The following SLC8A1 variants were observed in gnomAD, a reference collection of about 807,000 sequenced individuals.
SLC8A1 encodes sodium/calcium exchanger 1.
Under a neutral mutation model 68.3 loss-of-function variants are expected in SLC8A1, and 18 were observed. The ratio of observed to expected loss-of-function variants is 0.26; its 90% CI spans 0.18 to 0.39. SLC8A1 has a LOEUF of 0.39. SLC8A1 is among the 10% of genes least tolerant of loss of function. The pLI is 1.00. For missense variants in SLC8A1, 985 were observed against 1,156.7 expected, an observed-to-expected ratio of 0.85 and a Z score of 2.15; for synonymous variants, 475 against 415.5, an observed-to-expected ratio of 1.14 and a Z score of -1.74.
intron 1 of SLC8A1, among the ~76,000 whole-genome samples, chr2:40,432,663 C>T (rs559996383): frequency 6.6e-6 from 1 of 151,882 alleles, no homozygotes; most frequent in South Asian, 2.1e-4. Context: ...GGGGGCAGGG[C>T]TCAGGAGTGG....
rs376203589 is a variant in SLC8A1, at chr2:40,266,572, G to A, written c.1809-88717C>T. Among the ~76,000 whole-genome samples, 11 of 152,256 alleles carry A rather than the reference G, an allele frequency of 7.2e-5. No individual in the cohort carries two copies. In the East Asian group the frequency reaches 1.9e-3, roughly 27 times the overall value. On this transcript the variant is annotated intron_variant, in intron 2 of 7. Coordinates refer to ENST00000406785, the Ensembl canonical transcript of SLC8A1. ...TGGAGAATGATGCGTAATGATGCCTGCTGTTTTCTCTCCTATCATTTTCTA... is the reference window on the plus strand; with the variant it reads ...TGGAGAATGATGCGTAATGATGCCTACTGTTTTCTCTCCTATCATTTTCTA...
At chr2:40,458,642 T>A (rs182633253) in intron 1 of SLC8A1, among the ~76,000 whole-genome samples, 1 of 152,258 alleles carries the variant, frequency 6.6e-6, no homozygotes, top group Admixed American at 6.5e-5. Context: ...ACAGACAGAT[T>A]GTCTGTGACA....
chr2:40,471,953 T>C (rs772544778), intron 1 of SLC8A1, among the ~76,000 whole-genome samples: 7 of 152,178 alleles, frequency 4.6e-5, no homozygotes, highest in Non-Finnish European at 8.8e-5. Flanking sequence ...AGGCAGGGCA[T>C]CAATCACATT....
chr2:40,338,243 G>T (rs1030479506), intron 2 of SLC8A1, among the ~76,000 whole-genome samples: 1 of 152,092 alleles, frequency 6.6e-6, no homozygotes, highest in African/African-American at 2.4e-5. Context: ...GAGAAGCCTG[G>T]ACATCCTGCC....
chr2:40,294,940 G>A (rs182549851), intron 2 of SLC8A1, among the ~76,000 whole-genome samples: 221 of 152,064 alleles, frequency 1.5e-3, no homozygotes, highest in African/African-American at 4.9e-3. Flanking sequence ...GCTTCCACCG[G>A]GGTGACAAAA....
chr2:40,109,858 C>A (rs2034455956), exon 8 of SLC8A1: 2 of 152,036 alleles, frequency 1.3e-5, no homozygotes, highest in Non-Finnish European at 2.9e-5. Flanking sequence ...ATAGACAAGA[C>A]AATTTTGGGC....
At chr2:40,123,038 T>C (rs2037269449) in intron 7 of SLC8A1, 1 of 152,198 alleles carries the variant, frequency 6.6e-6, no homozygotes, top group South Asian at 2.1e-4. Context: ...CGCAGCACTA[T>C]TTGATCTGCT....
chr2:40,254,640 C>T (rs2063586999), intron 2 of SLC8A1: 1 of 151,906 alleles, frequency 6.6e-6, no homozygotes, highest in African/African-American at 2.4e-5. Flanking sequence ...GAGTTTTAAC[C>T]TACAACACAT....
chr2:40,320,274 C>T (rs975313040), intron 2 of SLC8A1, among the ~76,000 whole-genome samples: 4 of 151,822 alleles, frequency 2.6e-5, no homozygotes, highest in African/African-American at 9.7e-5. Flanking sequence ...CAAAAATAAA[C>T]ATCCGATGTT....
intron 2 of SLC8A1, among the ~76,000 whole-genome samples, chr2:40,390,737 T>G (rs1454518909): frequency 6.6e-6 from 1 of 152,114 alleles, no homozygotes; most frequent in Non-Finnish European, 1.5e-5. Flanking sequence ...ATGTAACTTT[T>G]GTCCCAGCAA....
At chr2:40,352,306 G>A (rs1559354171) in intron 2 of SLC8A1, among the ~76,000 whole-genome samples, 1 of 152,084 alleles carries the variant, frequency 6.6e-6, no homozygotes. Flanking sequence ...CATTATCTCT[G>A]AAATAACATT....
At chr2:40,450,967 G>A (rs967416843) in intron 1 of SLC8A1, among the ~76,000 whole-genome samples, 3 of 152,196 alleles carry the variant, frequency 2.0e-5, no homozygotes, top group Admixed American at 6.5e-5. Flanking sequence ...TCCACGGGGT[G>A]GTGGGGGGGA....
At chr2:40,249,483 G>A (rs1367070594) in intron 2 of SLC8A1, among the ~76,000 whole-genome samples, 1 of 152,026 alleles carries the variant, frequency 6.6e-6, no homozygotes, top group Non-Finnish European at 1.5e-5. Flanking sequence ...ATAACCCTTA[G>A]TGCTTAAATG....
intron 1 of SLC8A1, among the ~76,000 whole-genome samples, chr2:40,431,208 G>T (rs1373823740): frequency 6.6e-6 from 1 of 151,758 alleles, no homozygotes; most frequent in Non-Finnish European, 1.5e-5. Context: ...TAAGCGCCTG[G>T]CAGGCTGTGG....
chr2:40,178,912 T>G (rs1285870540), intron 2 of SLC8A1, among the ~76,000 whole-genome samples: 1 of 152,356 alleles, frequency 6.6e-6, no homozygotes, highest in South Asian at 2.1e-4. Context: ...AAGATATTAA[T>G]AGAAGTTATC....
chr2:40,362,069 A>AT (rs1364863835), intron 2 of SLC8A1, among the ~76,000 whole-genome samples: 1 of 151,100 alleles, frequency 6.6e-6, no homozygotes, highest in East Asian at 2.0e-4. Flanking sequence ...TAATCTCTGT[A>AT]TTTTTAGTAG....
In SLC8A1 at chr2:40,175,133, A is replaced by G. The variant is rs1042163103; in HGVS notation, c.1913-291T>C. ...ATTTGACCTTGACAAAATGAGGTCA[A>G]TGGCCCTAAACAACAATCTTGCTAG... On this transcript the variant is annotated intron_variant, in intron 3 of 7. Transcript: ENST00000406785. 1.1e-4 allele frequency: 104 copies of G among 941,710 alleles called. No homozygotes were observed. In the African/African-American group the frequency reaches 1.3e-3, roughly 12 times the overall value. The allele number at this position is 941,710 out of a possible 1,614,324, so 58.3% of individuals were successfully genotyped here. A position where few individuals can be genotyped will look rare whatever the true frequency, so the allele number is the denominator to read the frequency against.
chr2:40,159,075 C>A (rs2045175500), intron 6 of SLC8A1, among the ~76,000 whole-genome samples: 1 of 152,162 alleles, frequency 6.6e-6, no homozygotes, highest in South Asian at 2.1e-4. Context: ...CACTCCTCTG[C>A]TAGAAAAGCA....
intron 2 of SLC8A1, among the ~76,000 whole-genome samples, chr2:40,409,315 T>C (rs2149691858): frequency 6.6e-6 from 1 of 152,280 alleles, no homozygotes; most frequent in South Asian, 2.1e-4. Context: ...ACATTCAGGC[T>C]TCAGGAATAT....
Sources: allele counts gnomAD v4.1 joint callset (sites outside exome capture counted in the v4.1 genomes callset), GRCh38; gene constraint gnomAD v4.1.1; transcripts MANE v1.5; gene names NCBI Gene and HGNC (gene_info 2026-07-23, HGNC 2026-07-21).